HECW2: variants seen among roughly 807,000 people sequenced by gnomAD.
HECW2 encodes HECT, C2 and WW domain containing E3 ubiquitin protein ligase 2.
In HECW2, 61 loss-of-function variants were observed where a neutral mutation model predicts 175.2. That is an observed-to-expected ratio of 0.35 (90% CI 0.28 to 0.43). The LOEUF (loss-of-function observed/expected upper bound fraction) is 0.43. Among genes scored for constraint, HECW2 ranks in the 20% least tolerant of loss-of-function variants. The probability of loss-of-function intolerance (pLI) is 1.00; values close to 1 mark genes in which losing one functional copy is unlikely to be tolerated. For synonymous variants in HECW2, 671 were observed against 731.0 expected, an observed-to-expected ratio of 0.92 and a Z score of 1.32; for missense variants, 1,524 against 2,000.5, an observed-to-expected ratio of 0.76 and a Z score of 4.54.
intron 17 of HECW2, among the ~76,000 whole-genome samples, chr2:196,261,828 A>C (rs1689305514): frequency 6.6e-6 from 1 of 152,234 alleles, no homozygotes; most frequent in Non-Finnish European, 1.5e-5. Context: ...AAAGTGACTA[A>C]CGTCAACATT....
At chr2:196,374,774 C>T (rs1694002558) in intron 2 of HECW2, among the ~76,000 whole-genome samples, 2 of 151,692 alleles carry the variant, frequency 1.3e-5, no homozygotes, top group African/African-American at 4.9e-5. Context: ...GTATCATCCA[C>T]CATAAGGTCA....
At chr2:196,287,689 C>T (rs1414746076) in intron 14 of HECW2, among the ~76,000 whole-genome samples, 1 of 152,212 alleles carries the variant, frequency 6.6e-6, no homozygotes, top group Non-Finnish European at 1.5e-5. Context: ...GTACAGCATC[C>T]ACTGATTTCA....
chr2:196,452,799 A>G (rs1696386122), intron 1 of HECW2, among the ~76,000 whole-genome samples: 1 of 151,810 alleles, frequency 6.6e-6, no homozygotes, highest in African/African-American at 2.4e-5. Flanking sequence ...AGCACTAAAA[A>G]AAAAAAAAAA....
chr2:196,489,458 A>C (rs1200531711), intron 1 of HECW2, among the ~76,000 whole-genome samples: 1 of 127,228 alleles, frequency 7.9e-6, no homozygotes. Flanking sequence ...GAGTGACCAG[A>C]AGAAAGACCA....
intron 17 of HECW2, among the ~76,000 whole-genome samples, chr2:196,258,650 A>G (rs745487486): frequency 5.9e-5 from 9 of 152,140 alleles, no homozygotes; most frequent in Non-Finnish European, 1.3e-4. Flanking sequence ...AATTTGTTAT[A>G]TGAATACAAT....
intron 2 of HECW2, among the ~76,000 whole-genome samples, chr2:196,409,153 C>T (rs535689838): frequency 6.6e-6 from 1 of 152,286 alleles, no homozygotes; most frequent in African/African-American, 2.4e-5. Context: ...CAACACACTA[C>T]TGACCATGGC....
At chr2:196,282,978 C>T (rs927340897) in intron 14 of HECW2, among the ~76,000 whole-genome samples, 8 of 151,912 alleles carry the variant, frequency 5.3e-5, no homozygotes, top group Admixed American at 2.6e-4. Context: ...TTGGAAGGAG[C>T]GGCTAGGTGT....
At chr2:196,510,085 C>T (rs1687893163) in intron 1 of HECW2, among the ~76,000 whole-genome samples, 1 of 152,190 alleles carries the variant, frequency 6.6e-6, no homozygotes, top group Non-Finnish European at 1.5e-5. Flanking sequence ...TACTGCTAGT[C>T]TAGATTACAG....
intron 2 of HECW2, among the ~76,000 whole-genome samples, chr2:196,428,215 T>G (rs546083594): frequency 6.6e-6 from 1 of 152,292 alleles, no homozygotes; most frequent in East Asian, 1.9e-4. Flanking sequence ...ATCTCTCTGT[T>G]CCATAACTAA....
chr2:196,566,102 T>C (rs1038679299), intron 1 of HECW2, among the ~76,000 whole-genome samples: 3 of 152,156 alleles, frequency 2.0e-5, no homozygotes, highest in Admixed American at 2.0e-4. Context: ...GAATTGCTTT[T>C]AGCGATGACC....
intron 1 of HECW2, among the ~76,000 whole-genome samples, chr2:196,438,485 T>C (rs959929848): frequency 1.3e-5 from 2 of 152,218 alleles, no homozygotes; most frequent in African/African-American, 4.8e-5. Flanking sequence ...CACATTTCAG[T>C]TCAAACTGAC....
At chr2:196,496,133 C>T (rs187947341) in intron 1 of HECW2, among the ~76,000 whole-genome samples, 292 of 152,124 alleles carry the variant, frequency 1.9e-3, no homozygotes, top group South Asian at 0.011. Context: ...GTTGAAAATA[C>T]TAATTCTAGA....
intron 25 of HECW2, 105 bp from the exon 26 acceptor site, chr2:196,220,258 T>A: frequency 2.8e-6 from 2 of 719,780 alleles, no homozygotes; most frequent in Non-Finnish European, 4.9e-6. Flanking sequence ...GAATAATATG[T>A]GTGTACCTTG....
chr2:196,388,976 A>T (rs1694429360), intron 2 of HECW2, among the ~76,000 whole-genome samples: 1 of 152,228 alleles, frequency 6.6e-6, no homozygotes, highest in Admixed American at 6.5e-5. Context: ...AAAACTGAAC[A>T]GAAATATAAG....
At chr2:196,377,942 G>A (rs1483268300) in intron 2 of HECW2, among the ~76,000 whole-genome samples, 1 of 152,162 alleles carries the variant, frequency 6.6e-6, no homozygotes, top group Non-Finnish European at 1.5e-5. Flanking sequence ...CTTGGCACAA[G>A]TTTACTCAGA....
chr2:196,468,724 G>A (rs1697063429), intron 1 of HECW2, among the ~76,000 whole-genome samples: 1 of 152,140 alleles, frequency 6.6e-6, no homozygotes, highest in Non-Finnish European at 1.5e-5. Context: ...GGTCTGAGGT[G>A]TGTTTTCAAA....
At chr2:196,281,485 A>G (rs1690181597) in intron 14 of HECW2, among the ~76,000 whole-genome samples, 1 of 151,782 alleles carries the variant, frequency 6.6e-6, no homozygotes, top group Non-Finnish European at 1.5e-5. Flanking sequence ...AAAATATTCA[A>G]AAATTATCCG....
chr2:196,344,440 T>C (rs2105833617), intron 2 of HECW2, among the ~76,000 whole-genome samples: 1 of 151,652 alleles, frequency 6.6e-6, no homozygotes, highest in Non-Finnish European at 1.5e-5. Flanking sequence ...TCTGACCTCA[T>C]GGCACAAAGA....
In HECW2 at chr2:196,324,994, T is replaced by C. The variant is rs1456628940; in HGVS notation, c.727A>G (p.Ile243Val). Residue 243 changes from isoleucine (I) to valine (V), a missense_variant, in exon 6 of 29, where the codon ATT (isoleucine) becomes GTT (valine). Around this residue, in one of 11 missense-constraint regions of HECW2, gnomAD observed 95 missense variants for 136.8 expected, o/e 0.69. Coordinates refer to ENST00000644978, the MANE Select transcript of HECW2 (RefSeq NM_001348768.2). ...STIISNTTNP[I>V]WHREKYSFFA... is the part of the protein sequence containing the mutation. ...GATCATCTTACCTCTCGGTGCCAAA[T>C]TGGATTGGTGGTGTTACTGATGATA... The C allele has an allele frequency of 1.3e-6, 2 of 1,573,442 alleles. No individual in the cohort carries two copies. Among genetic ancestry groups the C allele is most frequent in the Admixed American group, 2.0e-5 (1 of 50,160 alleles).
Sources: gnomAD v4.1 joint callset for allele counts (sites outside exome capture counted in the v4.1 genomes callset) on GRCh38, gnomAD v4.1.1 for gene constraint, gnomAD v4.1.1 regional missense constraint, MANE v1.5 for transcripts, NCBI Gene and HGNC (gene_info 2026-07-23, HGNC 2026-07-21) for gene names.